STK33: variants seen among roughly 807,000 people sequenced by gnomAD.
STK33 encodes serine/threonine-protein kinase 33.
STK33 carries 52 observed loss-of-function variants against 58.0 expected under a neutral mutation model. That is an observed-to-expected ratio of 0.90 (90% CI 0.72 to 1.13). The LOEUF (loss-of-function observed/expected upper bound fraction) is 1.13, where lower values mean the gene tolerates loss of function less well. Among genes scored for constraint, STK33 ranks in the 50% most tolerant of loss-of-function variants. STK33 has a pLI of 0.00. For synonymous variants in STK33, 215 were observed against 200.1 expected, an observed-to-expected ratio of 1.07 and a Z score of -0.63; for missense variants, 630 against 604.2, an observed-to-expected ratio of 1.04 and a Z score of -0.45.
chr11:8,385,538 C>CTT, the STK33 span, among the ~76,000 whole-genome samples: 1 of 152,210 alleles, frequency 6.6e-6, no homozygotes, highest in South Asian at 2.1e-4. Context: ...CTGTAATCCT[C>CTT]TATGATAGCA....
chr11:8,422,953 G>A (rs1483887486), intron 14 of STK33, among the ~76,000 whole-genome samples: 1 of 151,034 alleles, frequency 6.6e-6, no homozygotes, highest in Non-Finnish European at 1.5e-5. Context: ...AGCCTTTCGA[G>A]TAGCTGGGAC....
At chr11:8,515,701 T>C (rs769234176) in intron 1 of STK33, among the ~76,000 whole-genome samples, 7 of 152,174 alleles carry the variant, frequency 4.6e-5, no homozygotes, top group Non-Finnish European at 8.8e-5. Context: ...ATCAATGTGA[T>C]ACACCATATT....
At chr11:8,512,606 G>A (rs1035570459) in intron 1 of STK33, among the ~76,000 whole-genome samples, 2 of 151,930 alleles carry the variant, frequency 1.3e-5, no homozygotes, top group Non-Finnish European at 2.9e-5. Context: ...CATTTCTTAT[G>A]AGCTTCTTAA....
chr11:8,573,512 A>C (rs1385978849), intron 1 of STK33, among the ~76,000 whole-genome samples: 1 of 152,220 alleles, frequency 6.6e-6, no homozygotes, highest in Non-Finnish European at 1.5e-5. Context: ...CACTCTGGAA[A>C]TTAGCTTGGC....
At chr11:8,391,713 A>G (rs1848633388), downstream of STK33, among the ~76,000 whole-genome samples, 1 of 152,236 alleles carries the variant, frequency 6.6e-6, no homozygotes, top group Non-Finnish European at 1.5e-5. Context: ...AGATGTCTAT[A>G]AAGCTAAGAG....
chr11:8,381,845 T>C, the STK33 span, among the ~76,000 whole-genome samples: 66,635 of 151,968 alleles, frequency 0.44, 15,531 homozygotes, highest in African/African-American at 0.59. Context: ...ATTATGTTCC[T>C]TGCAATTTGG....
chr11:8,423,126 G>A (rs1942188967), intron 14 of STK33, among the ~76,000 whole-genome samples: 1 of 151,590 alleles, frequency 6.6e-6, no homozygotes, highest in African/African-American at 2.4e-5. Context: ...ATAGCCATGA[G>A]CCACCATGCC....
At position 8,551,485 on chromosome 11, in the gene STK33, T is replaced by C. The variant is rs576481219; in HGVS notation, c.-466+42598A>G. On this transcript the variant is annotated intron_variant, in intron 1 of 15. Transcript: ENST00000687296. The stretch of plus-strand genomic sequence containing the variant: ...AGATCTTCAATGCTTCTGGGTCCAC[T>C]GCTAGAGCTTTGTTAGTATTTTTTG... Among the ~76,000 whole-genome samples the C allele has an allele frequency of 4.6e-5, 7 of 152,308 alleles. No individual in the cohort carries two copies. The South Asian group carries it at 1.2e-3, about 27-fold the overall frequency.
chr11:8,514,977 T>G (rs1294322950), intron 1 of STK33, among the ~76,000 whole-genome samples: 2 of 151,742 alleles, frequency 1.3e-5, no homozygotes, highest in African/African-American at 4.8e-5. Context: ...CAAAAGGACA[T>G]TAAAGACCTG....
At chr11:8,364,444 T>C in the STK33 span, among the ~76,000 whole-genome samples, 1 of 152,242 alleles carries the variant, frequency 6.6e-6, no homozygotes, top group Non-Finnish European at 1.5e-5. Context: ...GCCTGGCAGA[T>C]GCCCAGTGTC....
At chr11:8,572,359 A>G (rs932554432) in intron 1 of STK33, among the ~76,000 whole-genome samples, 2 of 152,216 alleles carry the variant, frequency 1.3e-5, no homozygotes, top group African/African-American at 4.8e-5. Context: ...TCTGATTTCA[A>G]GCAACTTAAC....
At chr11:8,376,107 G>C in the STK33 span, among the ~76,000 whole-genome samples, 1 of 152,190 alleles carries the variant, frequency 6.6e-6, no homozygotes, top group Non-Finnish European at 1.5e-5. Flanking sequence ...GAGGCTCCAG[G>C]GGAATGAGCG....
chr11:8,382,615 G>A, the STK33 span, among the ~76,000 whole-genome samples: 1 of 152,182 alleles, frequency 6.6e-6, no homozygotes, highest in South Asian at 2.1e-4. Context: ...AGCTTACACA[G>A]ACACAGACCA....
the STK33 span, among the ~76,000 whole-genome samples, chr11:8,378,326 C>A: frequency 3.1e-4 from 47 of 152,210 alleles, no homozygotes; most frequent in Non-Finnish European, 6.3e-4. Flanking sequence ...TGAGACCAGC[C>A]TGACCAACAT....
At chr11:8,585,426 T>C (rs1405261803) in intron 1 of STK33, among the ~76,000 whole-genome samples, 3 of 150,608 alleles carry the variant, frequency 2.0e-5, no homozygotes, top group East Asian at 2.0e-4. Context: ...AGTTTCCCCA[T>C]GTTGGCCAGG....
At chr11:8,503,548 T>C (rs1181691912) in intron 1 of STK33, among the ~76,000 whole-genome samples, 2 of 152,084 alleles carry the variant, frequency 1.3e-5, no homozygotes, top group East Asian at 1.9e-4. Flanking sequence ...CAAAACAACA[T>C]AGACACCAAA....
At chr11:8,526,936 G>C (rs1954084724) in intron 1 of STK33, among the ~76,000 whole-genome samples, 1 of 147,534 alleles carries the variant, frequency 6.8e-6, no homozygotes, top group African/African-American at 2.5e-5. Flanking sequence ...AAAGAAAACA[G>C]GTAATTATTG....
At chr11:8,422,216 T>C (rs938743760) in intron 14 of STK33, among the ~76,000 whole-genome samples, 6 of 152,174 alleles carry the variant, frequency 3.9e-5, no homozygotes, top group African/African-American at 1.2e-4. Context: ...TTCTCTGAAA[T>C]GATCATATGA....
chr11:8,371,818 C>T, the STK33 span, among the ~76,000 whole-genome samples: 2 of 139,576 alleles, frequency 1.4e-5, no homozygotes, highest in African/African-American at 2.6e-5. Context: ...TCCCTCCCTT[C>T]CTCCTTCCCT....
Sources: allele counts gnomAD v4.1 joint callset (sites outside exome capture counted in the v4.1 genomes callset), GRCh38; gene constraint gnomAD v4.1.1; transcripts MANE v1.5; gene names NCBI Gene and HGNC (gene_info 2026-07-23, HGNC 2026-07-21).